The following TRPC6 variants were observed in gnomAD, a reference collection of about 807,000 sequenced individuals.
TRPC6 encodes short transient receptor potential channel 6.
In TRPC6, 55 loss-of-function variants were observed where a neutral mutation model predicts 90.7. That is an observed-to-expected ratio of 0.61 (90% confidence interval 0.49 to 0.76). The LOEUF (loss-of-function observed/expected upper bound fraction) is 0.76. TRPC6 is among the 30% of genes least tolerant of loss of function. The pLI, the probability that TRPC6 is intolerant of heterozygous loss-of-function variation, is 0.00. For missense variants in TRPC6, 989 were observed against 1,122.7 expected (o/e 0.88, Z 1.70); for synonymous variants, 393 against 393.0 (o/e 1.00, Z 0.00).
In TRPC6 at chr11:101,452,783, A is replaced by C; in HGVS notation, c.*172T>G. 1.5e-6 allele frequency: 1 copy of C among 675,558 alleles called. No homozygotes were observed. Among genetic ancestry groups the C allele is most frequent in the Non-Finnish European group, 2.5e-6 (1 of 399,444 alleles). 41.8% of individuals were successfully genotyped at this position (675,558 alleles called of 1,614,324 possible). A position where few individuals can be genotyped will look rare whatever the true frequency, so the allele number is the denominator to read the frequency against. ...CTACAGCCTTTACCCTGAACAATGGAGTTTAATCACCAAAAAAATTAGATA... is the reference window on the plus strand; with the variant it reads ...CTACAGCCTTTACCCTGAACAATGGCGTTTAATCACCAAAAAAATTAGATA... On this transcript the variant is annotated 3_prime_UTR_variant, in exon 13 of 13. Transcript: ENST00000344327.
chr11:101,499,161 C>T (rs767000563), intron 2 of TRPC6, among the ~76,000 whole-genome samples: 8 of 152,072 alleles, frequency 5.3e-5, no homozygotes, highest in Non-Finnish European at 1.2e-4. Flanking sequence ...TACTGAATAC[C>T]AAACAATGCT....
At chr11:101,540,444 G>C (rs1317377121) in intron 1 of TRPC6, among the ~76,000 whole-genome samples, 1 of 152,168 alleles carries the variant, frequency 6.6e-6, no homozygotes, top group Non-Finnish European at 1.5e-5. Context: ...TATTTTTAAA[G>C]TATTTTATCC....
chr11:101,552,046 GTCTTTTA>G (rs1443491244), intron 1 of TRPC6, among the ~76,000 whole-genome samples: 5 of 152,084 alleles, frequency 3.3e-5, no homozygotes, highest in African/African-American at 1.2e-4. Context: ...GGAGGTTTGT[GTCTTTTA>G]TCGGCATCCA....
intron 1 of TRPC6, among the ~76,000 whole-genome samples, chr11:101,516,472 G>C (rs10791494): frequency 0.49 from 74,763 of 151,950 alleles, 18,782 homozygotes; most frequent in African/African-American, 0.55. Context: ...GAACCCCAAC[G>C]ACCAACCATT....
intron 1 of TRPC6, among the ~76,000 whole-genome samples, chr11:101,520,983 G>A (rs1441209810): frequency 6.6e-6 from 1 of 152,248 alleles, no homozygotes; most frequent in East Asian, 1.9e-4. Flanking sequence ...TAAAAGGGAG[G>A]CAGAGCATAA....
chr11:101,470,421 C>T (rs1364782009), intron 9 of TRPC6, among the ~76,000 whole-genome samples: 1 of 152,122 alleles, frequency 6.6e-6, no homozygotes, highest in Non-Finnish European at 1.5e-5. Context: ...GACACTTTAT[C>T]CATATGTGTT....
intron 2 of TRPC6, among the ~76,000 whole-genome samples, chr11:101,497,820 C>T (rs1015837478): frequency 5.9e-5 from 9 of 152,072 alleles, no homozygotes; most frequent in Non-Finnish European, 2.9e-5. Flanking sequence ...TTAAGCCCTG[C>T]ATGCATTATT....
At chr11:101,577,679 G>A (rs1161209782) in intron 1 of TRPC6, among the ~76,000 whole-genome samples, 1 of 152,114 alleles carries the variant, frequency 6.6e-6, no homozygotes, top group East Asian at 1.9e-4. Context: ...GATAATGCTT[G>A]GGGCCAGGCA....
intron 2 of TRPC6, among the ~76,000 whole-genome samples, chr11:101,500,526 C>T (rs1378293513): frequency 6.6e-6 from 1 of 151,994 alleles, no homozygotes; most frequent in Admixed American, 6.6e-5. Flanking sequence ...TTATTTTTAA[C>T]AGCTGGGTTG....
Position 101,504,736 on chromosome 11 carries a change from C to G in TRPC6, c.233G>C (p.Arg78Thr), listed in dbSNP as rs201516250. 2 of 1,599,848 alleles carry G rather than the reference C, an allele frequency of 1.3e-6. No individual in the cohort carries two copies. Among genetic ancestry groups the G allele is most frequent in the Non-Finnish European group, 8.5e-7 (1 of 1,172,852 alleles). ...RQTVLREKGRRLANRGPAYMF... is the reference protein window; with the variant it reads ...RQTVLREKGRTLANRGPAYMF... ...GTATGCTGGTCCTCGATTAGCTAAC[C>G]TTCTCCCCTTCTCACGGAGAACTGT... The change falls in exon 2 of 13, where the codon AGG becomes ACG. Residue 78 changes from arginine (R) to threonine (T), a missense_variant. Physicochemically the swap from Arg to Thr is moderately conservative, Grantham distance 71. Around this residue, in one of 4 missense-constraint regions of TRPC6, gnomAD observed 194 missense variants for 136.5 expected, o/e 1.42. Coordinates refer to ENST00000344327, the MANE Select transcript of TRPC6 (RefSeq NM_004621.6).
At chr11:101,554,796 C>A (rs1861525213) in intron 1 of TRPC6, among the ~76,000 whole-genome samples, 3 of 152,140 alleles carry the variant, frequency 2.0e-5, no homozygotes, top group African/African-American at 4.8e-5. Context: ...AGCAGCTGAT[C>A]TTCTTTCAAA....
chr11:101,527,456 G>A (rs1449888407), intron 1 of TRPC6, among the ~76,000 whole-genome samples: 1 of 152,006 alleles, frequency 6.6e-6, no homozygotes, highest in Non-Finnish European at 1.5e-5. Context: ...TAACATTCAA[G>A]GAAATACGGA....
chr11:101,539,019 C>A (rs1162807761), intron 1 of TRPC6, among the ~76,000 whole-genome samples: 2 of 152,188 alleles, frequency 1.3e-5, no homozygotes, highest in African/African-American at 4.8e-5. Context: ...CCAGGCCCAC[C>A]CAGACTGCTA....
chr11:101,575,807 T>C (rs1862058126), intron 1 of TRPC6, among the ~76,000 whole-genome samples: 1 of 152,192 alleles, frequency 6.6e-6, no homozygotes, highest in Non-Finnish European at 1.5e-5. Flanking sequence ...TCCAGTCTTC[T>C]ATCCGTACCC....
rs1183165645 is a variant in TRPC6, at chr11:101,583,763, A to C, written c.-260T>G. 5.6e-5 allele frequency: 22 copies of C among 390,266 alleles called. No individual in the cohort carries two copies. In the Admixed American group the frequency reaches 9.9e-4, roughly 18 times the overall value. 24.2% of individuals were successfully genotyped at this position (390,266 alleles called of 1,614,324 possible). ...GTCAGGCCGAGGAGACCCCGCGAGG[A>C]TGCGTCTGGGGCGCCCGGGCAGAGA... On this transcript the variant is annotated 5_prime_UTR_variant, in exon 1 of 13. Transcript: ENST00000344327.
intron 5 of TRPC6, among the ~76,000 whole-genome samples, chr11:101,476,960 G>A (rs558107544): frequency 6.6e-5 from 10 of 152,182 alleles, no homozygotes; most frequent in Admixed American, 5.2e-4. Flanking sequence ...CCATGAGAAT[G>A]TGTCTCAGTG....
At chr11:101,477,775 A>C (rs1406602989) in intron 5 of TRPC6, among the ~76,000 whole-genome samples, 1 of 152,266 alleles carries the variant, frequency 6.6e-6, no homozygotes, top group Non-Finnish European at 1.5e-5. Context: ...TGAAATACAC[A>C]GCTCAGTGTC....
At chr11:101,582,530 TA>T (rs1862220466) in intron 1 of TRPC6, among the ~76,000 whole-genome samples, 2 of 150,390 alleles carry the variant, frequency 1.3e-5, no homozygotes, top group South Asian at 4.3e-4. Flanking sequence ...CCACTCTGCT[TA>T]CTCCCTACCT....
rs530930285 is a variant in TRPC6, at chr11:101,499,793, A to G, written c.945+4231T>C. 1.6e-4 allele frequency among the ~76,000 whole-genome samples: 13 copies of G among 79,712 alleles called. 1 individual carries two copies. The highest frequency in any genetic ancestry group is 3.7e-4 in the Admixed American group (3 of 8,102). The allele number at this position is 79,712 out of a possible 152,430, so 52.3% of individuals were successfully genotyped here. On this transcript the variant is annotated intron_variant, in intron 2 of 12. Transcript: ENST00000344327. The stretch of plus-strand genomic sequence containing the variant: ...TATATATACACAGTATAAAATGTGT[A>G]TATATATATACACAGTATAAAATGT...
Sources: allele counts gnomAD v4.1 joint callset (sites outside exome capture counted in the v4.1 genomes callset), GRCh38; gene constraint gnomAD v4.1.1; regional missense constraint gnomAD v4.1.1; transcripts MANE v1.5; gene names NCBI Gene and HGNC (gene_info 2026-07-23, HGNC 2026-07-21).